The following HDAC9 variants were observed in gnomAD, a reference collection of about 807,000 sequenced individuals.
HDAC9 encodes the protein histone deacetylase 9.
In HDAC9, 41 loss-of-function variants were observed where a neutral mutation model predicts 139.4. The observed-to-expected ratio is 0.29, with a 90% CI of 0.23 to 0.38. The LOEUF is 0.38. Among genes scored for constraint, HDAC9 ranks in the 10% least tolerant of loss-of-function variants. The pLI is 1.00. For synonymous variants in HDAC9, 517 were observed against 476.2 expected (o/e 1.09, Z -1.12); for missense variants, 1,147 against 1,297.0 (o/e 0.88, Z 1.78).
chr7:18,349,756 G>A (rs1782711513), intron 1 of HDAC9, among the ~76,000 whole-genome samples: 1 of 151,718 alleles, frequency 6.6e-6, no homozygotes, highest in Admixed American at 6.6e-5. Context: ...AACAGGAATA[G>A]CACTATGCAG....
At chr7:18,773,363 AT>A (rs1216831395) in intron 16 of HDAC9, among the ~76,000 whole-genome samples, 86 of 105,668 alleles carry the variant, frequency 8.1e-4, no homozygotes, top group African/African-American at 2.8e-3. Flanking sequence ...AAAAAACTGT[AT>A]ACACACACAC....
chr7:18,939,042 A>G (rs367604971), intron 23 of HDAC9, among the ~76,000 whole-genome samples: 1 of 152,234 alleles, frequency 6.6e-6, no homozygotes, highest in Non-Finnish European at 1.5e-5. Context: ...ATTTTTGGCT[A>G]TATTGACTAT....
At chr7:18,562,137 A>G (rs533293832) in intron 2 of HDAC9, among the ~76,000 whole-genome samples, 1 of 152,278 alleles carries the variant, frequency 6.6e-6, no homozygotes, top group Non-Finnish European at 1.5e-5. Flanking sequence ...TCTTCTCTGG[A>G]GAAATGTCTT....
chr7:18,913,416 C>CTT (rs1476499847), intron 22 of HDAC9, among the ~76,000 whole-genome samples: 2 of 152,092 alleles, frequency 1.3e-5, no homozygotes, highest in African/African-American at 4.8e-5. Flanking sequence ...AATCAGGCTA[C>CTT]TTGACATACG....
chr7:18,296,799 G>A (rs930229213), intron 1 of HDAC9, among the ~76,000 whole-genome samples: 1 of 152,184 alleles, frequency 6.6e-6, no homozygotes, highest in African/African-American at 2.4e-5. Flanking sequence ...TTCTGTGACT[G>A]TCTGCCTCTG....
At chr7:18,180,400 ATTTTCTT>A (rs1789326816) in intron 2 of HDAC9, among the ~76,000 whole-genome samples, 1 of 151,166 alleles carries the variant, frequency 6.6e-6, no homozygotes, top group Admixed American at 6.6e-5. Flanking sequence ...TTGTCAAGTG[ATTTTCTT>A]TTTTCTTTTT....
chr7:18,913,564 C>A (rs1802925215), intron 22 of HDAC9, among the ~76,000 whole-genome samples: 1 of 151,950 alleles, frequency 6.6e-6, no homozygotes, highest in Non-Finnish European at 1.5e-5. Context: ...TGTGCCTGAC[C>A]CTGTGCCAGA....
intron 1 of HDAC9, among the ~76,000 whole-genome samples, chr7:18,298,323 A>G (rs1798284257): frequency 6.6e-6 from 1 of 150,938 alleles, no homozygotes; most frequent in East Asian, 1.9e-4. Context: ...TTTAGGGTAC[A>G]TGTGCACATT....
intron 1 of HDAC9, among the ~76,000 whole-genome samples, chr7:18,385,273 A>G (rs1785810521): frequency 6.6e-6 from 1 of 152,172 alleles, no homozygotes; most frequent in African/African-American, 2.4e-5. Context: ...ATGTTTTAAG[A>G]CTGTTAATGA....
At chr7:18,162,781 A>G (rs1380418147) in intron 2 of HDAC9, among the ~76,000 whole-genome samples, 1 of 152,064 alleles carries the variant, frequency 6.6e-6, no homozygotes, top group East Asian at 1.9e-4. Context: ...CAGGAAGGAT[A>G]TTTTTCCTCC....
At chr7:18,910,508 C>G (rs755851272) in intron 22 of HDAC9, among the ~76,000 whole-genome samples, 45 of 151,916 alleles carry the variant, frequency 3.0e-4, no homozygotes, top group Non-Finnish European at 5.6e-4. Context: ...TTGACTTTCT[C>G]CTTTCCCATG....
intron 13 of HDAC9, among the ~76,000 whole-genome samples, chr7:18,747,830 A>C (rs1479724256): frequency 1.3e-5 from 2 of 152,220 alleles, no homozygotes; most frequent in African/African-American, 4.8e-5. Flanking sequence ...ATTTGAGCAC[A>C]CTCAAGGAAA....
chr7:18,733,570 A>G (rs1786597259), intron 13 of HDAC9, among the ~76,000 whole-genome samples: 1 of 151,696 alleles, frequency 6.6e-6, no homozygotes, highest in African/African-American at 2.4e-5. Flanking sequence ...AGATTAATTC[A>G]ACTTGATCAC....
chr7:18,982,936 GATCA>G (rs1785054797), intron 25 of HDAC9, among the ~76,000 whole-genome samples: 1 of 152,098 alleles, frequency 6.6e-6, no homozygotes, highest in Non-Finnish European at 1.5e-5. Context: ...GAATAAAGCT[GATCA>G]ATTAATTATT....
chr7:18,631,827 A>G (rs1187713862), intron 7 of HDAC9, among the ~76,000 whole-genome samples: 3 of 151,940 alleles, frequency 2.0e-5, no homozygotes, highest in Non-Finnish European at 4.4e-5. Flanking sequence ...TTCCAATATC[A>G]TACACTGAGA....
At chr7:18,369,717 TCAAGG>T (rs1784452152) in intron 1 of HDAC9, among the ~76,000 whole-genome samples, 2 of 152,044 alleles carry the variant, frequency 1.3e-5, no homozygotes, top group Non-Finnish European at 2.9e-5. Context: ...AAACAGTGTT[TCAAGG>T]TTCAGCAAGT....
intron 2 of HDAC9, among the ~76,000 whole-genome samples, chr7:18,186,172 A>G (rs796479205): frequency 7.9e-5 from 12 of 152,366 alleles, no homozygotes; most frequent in African/African-American, 2.9e-4. Flanking sequence ...CGACTGGGCC[A>G]GGATCTGAAT....
intron 16 of HDAC9, among the ~76,000 whole-genome samples, chr7:18,769,419 G>A (rs190262769): frequency 5.3e-5 from 8 of 152,222 alleles, no homozygotes; most frequent in Non-Finnish European, 7.4e-5. Flanking sequence ...CTGGATGGTG[G>A]CAGCAGTGGT....
intron 24 of HDAC9, among the ~76,000 whole-genome samples, chr7:18,972,169 T>C (rs755404122): frequency 3.3e-5 from 5 of 152,242 alleles, no homozygotes; most frequent in African/African-American, 7.2e-5. Flanking sequence ...ACATCCAAGA[T>C]TGATATGTAA....
Sources: gnomAD v4.1 joint callset for allele counts (sites outside exome capture counted in the v4.1 genomes callset) on GRCh38, gnomAD v4.1.1 for gene constraint, MANE v1.5 for transcripts, NCBI Gene and HGNC (gene_info 2026-07-23, HGNC 2026-07-21) for gene names.